Variants in CEP112 observed in about 807,000 individuals in gnomAD.
CEP112 encodes centrosomal protein of 112 kDa.
In CEP112, 127 loss-of-function variants were observed where a neutral mutation model predicts 153.0. The ratio of observed to expected loss-of-function variants is 0.83; its 90% CI spans 0.72 to 0.96. The LOEUF is 0.96. CEP112 is among the 40% of genes least tolerant of loss of function. CEP112 has a pLI of 0.00. For missense variants in CEP112, 1,089 were observed against 1,101.2 expected (o/e 0.99, Z 0.16); for synonymous variants, 358 against 374.4 (o/e 0.96, Z 0.51).
At chr17:65,669,820 G>A (rs963306546) in intron 24 of CEP112, among the ~76,000 whole-genome samples, 5 of 151,694 alleles carry the variant, frequency 3.3e-5, no homozygotes, top group East Asian at 3.9e-4. Context: ...GAAGAATGGC[G>A]TGAACCCGGG....
At chr17:65,710,980 A>C in intron 23 of CEP112, among the ~76,000 whole-genome samples, 1 of 152,220 alleles carries the variant, frequency 6.6e-6, no homozygotes, top group East Asian at 1.9e-4. Flanking sequence ...ATGTAATGAC[A>C]GTCAACTGCT....
intron 19 of CEP112, among the ~76,000 whole-genome samples, chr17:65,920,990 T>C (rs1343303292): frequency 2.6e-5 from 4 of 152,120 alleles, no homozygotes; most frequent in African/African-American, 9.7e-5. Flanking sequence ...TAACTATTCC[T>C]CAGAACTCTA....
At chr17:65,762,056 C>T (rs1404417119) in intron 21 of CEP112, among the ~76,000 whole-genome samples, 1 of 152,018 alleles carries the variant, frequency 6.6e-6, no homozygotes, top group Non-Finnish European at 1.5e-5. Flanking sequence ...TTTTGCCTCA[C>T]ATAGTTTTTG....
chr17:65,909,681 A>G (rs9892378), intron 19 of CEP112, among the ~76,000 whole-genome samples: 26,830 of 152,200 alleles, frequency 0.18, 2,533 homozygotes, highest in Admixed American at 0.28. Flanking sequence ...AAAAACAAAC[A>G]TTAAATACAG....
At chr17:65,764,239 T>C (rs1250407786) in intron 21 of CEP112, among the ~76,000 whole-genome samples, 1 of 152,198 alleles carries the variant, frequency 6.6e-6, no homozygotes, top group Non-Finnish European at 1.5e-5. Flanking sequence ...GGTATTTTGT[T>C]GCTGTTGGAT....
intron 24 of CEP112, among the ~76,000 whole-genome samples, chr17:65,665,769 T>C (rs1237662371): frequency 6.6e-6 from 1 of 152,208 alleles, no homozygotes; most frequent in East Asian, 1.9e-4. Context: ...GGTTAAGCCA[T>C]TTGTTCTTCA....
chr17:66,037,917 T>A (rs956190446), intron 12 of CEP112, among the ~76,000 whole-genome samples: 2 of 151,402 alleles, frequency 1.3e-5, no homozygotes, highest in Non-Finnish European at 2.9e-5. Context: ...TACATAGATA[T>A]GATTATTATA....
chr17:66,102,864 A>T (rs1189984513), intron 6 of CEP112, among the ~76,000 whole-genome samples: 1 of 152,016 alleles, frequency 6.6e-6, no homozygotes, highest in Non-Finnish European at 1.5e-5. Context: ...TCCTGACAAA[A>T]TAGAGACATT....
chr17:66,087,214 T>C (rs1370470905), intron 8 of CEP112, among the ~76,000 whole-genome samples: 1 of 152,210 alleles, frequency 6.6e-6, no homozygotes. Flanking sequence ...TCTGATGCAA[T>C]GCATGATAGC....
intron 21 of CEP112, among the ~76,000 whole-genome samples, chr17:65,772,742 TG>T (rs1199182824): frequency 2.0e-5 from 3 of 152,136 alleles, no homozygotes; most frequent in African/African-American, 7.2e-5. Flanking sequence ...TTAATGCAGT[TG>T]GGGAGGGAAG....
At chr17:66,005,629 A>C (rs2064241110) in intron 17 of CEP112, 61 bp downstream of exon 17, 1 of 1,556,694 alleles carries the variant, frequency 6.4e-7, no homozygotes, top group Non-Finnish European at 8.7e-7. Flanking sequence ...CCAGTTACTT[A>C]ATTTGGCTCA....
At chr17:65,946,754 A>G (rs890888912) in intron 18 of CEP112, among the ~76,000 whole-genome samples, 3 of 151,978 alleles carry the variant, frequency 2.0e-5, no homozygotes, top group African/African-American at 4.8e-5. Context: ...TTTGATTTTT[A>G]TAATTATGGT....
chr17:65,763,505 AGT>A (rs2052739133), intron 21 of CEP112, among the ~76,000 whole-genome samples: 1 of 148,830 alleles, frequency 6.7e-6, no homozygotes, highest in Non-Finnish European at 1.5e-5. Context: ...GTTTTTTTTC[AGT>A]CTTTTTTTTT....
intron 16 of CEP112, among the ~76,000 whole-genome samples, chr17:66,026,799 C>A (rs969352006): frequency 3.9e-5 from 6 of 152,172 alleles, no homozygotes; most frequent in African/African-American, 1.2e-4. Context: ...ACTTCATTCA[C>A]ATGGATTCAA....
At chr17:66,088,812 T>C (rs1177393849) in intron 8 of CEP112, among the ~76,000 whole-genome samples, 5 of 152,114 alleles carry the variant, frequency 3.3e-5, no homozygotes, top group Non-Finnish European at 7.4e-5. Context: ...TACAGAATCG[T>C]GACCCAGGCC....
At chr17:65,965,551 A>C (rs965737469) in intron 17 of CEP112, among the ~76,000 whole-genome samples, 1 of 115,756 alleles carries the variant, frequency 8.6e-6, no homozygotes, top group African/African-American at 3.3e-5. Context: ...GAGACAGGGT[A>C]TTGCTCTGTC....
chr17:65,970,850 CAT>C (rs549415551), intron 17 of CEP112, among the ~76,000 whole-genome samples: 2 of 152,368 alleles, frequency 1.3e-5, no homozygotes, highest in East Asian at 3.9e-4. Context: ...ATGCATATGT[CAT>C]GTATATCTGC....
At chr17:65,792,843 T>TA (rs548619014) in intron 21 of CEP112, among the ~76,000 whole-genome samples, 3 of 152,040 alleles carry the variant, frequency 2.0e-5, no homozygotes, top group South Asian at 2.1e-4. Flanking sequence ...AGTGGGTATT[T>TA]AAAAAAAATA....
At chr17:66,056,308 G>A (rs184712445) in intron 11 of CEP112, among the ~76,000 whole-genome samples, 11 of 152,224 alleles carry the variant, frequency 7.2e-5, no homozygotes, top group African/African-American at 1.4e-4. Flanking sequence ...GGTCAATAGC[G>A]CAGCCACTGT....
Sources: gnomAD v4.1 joint callset for allele counts (sites outside exome capture counted in the v4.1 genomes callset) on GRCh38, gnomAD v4.1.1 for gene constraint, MANE v1.5 for transcripts, NCBI Gene and HGNC (gene_info 2026-07-23, HGNC 2026-07-21) for gene names.